The following PCDHGC5 variants were observed in gnomAD, a reference collection of about 807,000 sequenced individuals.
The protein encoded by PCDHGC5 is protocadherin gamma-C5.
In PCDHGC5, 25 loss-of-function variants were observed where a neutral mutation model predicts 59.0. That is an observed-to-expected ratio of 0.42 (90% confidence interval 0.31 to 0.59). The LOEUF is 0.59. PCDHGC5 is among the 20% of genes least tolerant of loss of function. The pLI, the probability that PCDHGC5 is intolerant of heterozygous loss-of-function variation, is 0.13. For missense variants in PCDHGC5, 1,067 were observed against 1,206.4 expected (o/e 0.88, Z 1.71); for synonymous variants, 434 against 505.5 (o/e 0.86, Z 1.90).
intron 3 of PCDHGC5, among the ~76,000 whole-genome samples, chr5:141,508,624 G>A (rs552418899): frequency 3.3e-5 from 5 of 152,256 alleles, no homozygotes; most frequent in African/African-American, 9.6e-5. Context: ...TGGGTGGGCC[G>A]AGCTTCTAGC....
chr5:141,494,234 A>G (rs1299510042), intron 1 of PCDHGC5, among the ~76,000 whole-genome samples: 1 of 152,138 alleles, frequency 6.6e-6, no homozygotes, highest in Non-Finnish European at 1.5e-5. Context: ...CTAAATTAAT[A>G]ATGTATTTAG....
At chr5:141,506,231 A>G (rs1453468632) in intron 3 of PCDHGC5, among the ~76,000 whole-genome samples, 4 of 152,082 alleles carry the variant, frequency 2.6e-5, no homozygotes, top group African/African-American at 4.8e-5. Context: ...CAGGAGGATC[A>G]TGAGGTCAGG....
At position 141,505,403 on chromosome 5, in the gene PCDHGC5, G is replaced by A; in HGVS notation, c.2530G>A (p.Gly844Ser). The A allele has an allele frequency of 6.2e-7, 1 of 1,614,186 alleles. No individual in the cohort carries two copies. The highest frequency in any genetic ancestry group is 8.5e-7 in the Non-Finnish European group (1 of 1,180,038). ...QRPGTSGSQN[G>S]DDTGTWPNNQ... ...CTACTCTCTCCCCAGCTCCCAAAAT[G>A]GCGATGACACCGGCACCTGGCCCAA... Residue 844 changes from glycine (G) to serine (S), a missense_variant, in exon 3 of 4, where the codon GGC (glycine) becomes AGC (serine). Coordinates refer to ENST00000252087, the MANE Select transcript of PCDHGC5 (RefSeq NM_018929.3).
intron 3 of PCDHGC5, among the ~76,000 whole-genome samples, chr5:141,508,506 C>G (rs2099869342): frequency 6.6e-6 from 1 of 152,180 alleles, no homozygotes; most frequent in Admixed American, 6.5e-5. Context: ...TCTCTCCCTC[C>G]TGGTCCAGCC....
chr5:141,491,659 G>A lies in PCDHGC5; in HGVS notation c.2419G>A (p.Ala807Thr). Residue 807 changes from alanine (A) to threonine (T), a missense_variant, in exon 1 of 4, where the codon GCC becomes ACC. Physicochemically the swap from Ala to Thr is moderately conservative, Grantham distance 58 (BLOSUM62 0). Transcript: ENST00000252087. This position sits in a 1 kb window ranked among gnomAD's most constrained non-coding sequence, Gnocchi z 6.9. ...QPTALALEPD[A>T]IRSRSNTLRE... is the part of the protein sequence containing the mutation. ...CACAGCTCTGGCGCTGGAGCCTGACGCCATCCGGTCCCGCTCTAATACGCT... is the reference window on the plus strand; with the variant it reads ...CACAGCTCTGGCGCTGGAGCCTGACACCATCCGGTCCCGCTCTAATACGCT... 6.2e-7 allele frequency: 1 copy of A among 1,613,766 alleles called. No homozygotes were observed. The highest frequency in any genetic ancestry group is 8.5e-7 in the Non-Finnish European group (1 of 1,180,004).
intron 2 of PCDHGC5, among the ~76,000 whole-genome samples, chr5:141,501,847 C>T (rs976699397): frequency 1.3e-5 from 2 of 152,140 alleles, no homozygotes; most frequent in Admixed American, 6.5e-5. Context: ...GGCCCTCAAC[C>T]TTCAACCATT....
intron 3 of PCDHGC5, among the ~76,000 whole-genome samples, chr5:141,506,381 G>A (rs750584158): frequency 2.0e-5 from 3 of 151,216 alleles, no homozygotes; most frequent in Non-Finnish European, 4.4e-5. Context: ...CCTGGGAGGT[G>A]GCTGTGGTGA....
At chr5:141,508,830 C>G (rs1320903059) in intron 3 of PCDHGC5, among the ~76,000 whole-genome samples, 2 of 152,150 alleles carry the variant, frequency 1.3e-5, no homozygotes, top group Non-Finnish European at 2.9e-5. Flanking sequence ...CTGGGCCCCC[C>G]TCCCCTACCC....
At chr5:141,502,932 C>T (rs1039438031) in intron 2 of PCDHGC5, among the ~76,000 whole-genome samples, 2 of 143,766 alleles carry the variant, frequency 1.4e-5, no homozygotes, top group African/African-American at 5.3e-5. Context: ...CAACCTTCAC[C>T]TCCTGGGTTC....
Position 141,490,457 on chromosome 5 carries a change from T to C in PCDHGC5, c.1217T>C (p.Leu406Pro). 1 of 1,614,214 alleles carries C rather than the reference T, an allele frequency of 6.2e-7. No homozygotes were observed. Among genetic ancestry groups the C allele is most frequent in the Non-Finnish European group, 8.5e-7 (1 of 1,180,042 alleles). ...AAGCCTTCTGAGAACCACTACTCGC[T>C]GCTAACCAGCCAGCCTTTGGACCGG... Reference protein sequence around the residue: ...QIKPSENHYSLLTSQPLDREA... With the variant: ...QIKPSENHYSPLTSQPLDREA... Residue 406 changes from leucine to proline, a missense_variant, in exon 1 of 4, where the codon CTG becomes CCG. Coordinates refer to ENST00000252087, the MANE Select transcript of PCDHGC5 (RefSeq NM_018929.3). The surrounding 1 kb of genome is among the most constrained non-coding windows in gnomAD (Gnocchi z 5.4).
At chr5:141,492,576 G>A (rs2099742137) in intron 1 of PCDHGC5, among the ~76,000 whole-genome samples, 1 of 152,234 alleles carries the variant, frequency 6.6e-6, no homozygotes, top group Admixed American at 6.5e-5. Context: ...AGCGAGGCGC[G>A]GGGCCAGGAG....
chr5:141,510,984 C>G lies in PCDHGC5; in HGVS notation c.2646C>G (p.Ala882=). ...ADGSSTLGGG[A]GTMGLSARYG... ...GGAGCTCCACCCTGGGAGGGGGTGC[C>G]GGCACCATGGGATTGAGCGCCCGCT... The change falls in exon 4 of 4, where the codon GCC becomes GCG. Residue 882 remains alanine (A), a synonymous_variant. Transcript: ENST00000252087. The G allele has an allele frequency of 1.2e-6, 2 of 1,614,162 alleles. No homozygotes were observed. The highest frequency in any genetic ancestry group is 1.7e-6 in the Non-Finnish European group (2 of 1,180,012).
intron 3 of PCDHGC5, among the ~76,000 whole-genome samples, chr5:141,509,398 G>A (rs1218925417): frequency 6.6e-6 from 1 of 152,106 alleles, no homozygotes; most frequent in Admixed American, 6.5e-5. Context: ...GGATCTCAGG[G>A]CCTCCAGCAG....
chr5:141,494,674 C>A lies in PCDHGC5; in HGVS notation c.2461-133C>A, dbSNP rs532644387. ...ATTTTGTCTTTGGAGATGAGTCCAC[C>A]CCTGCCCCCTCTTAGTCCGTTTTCT... is the stretch of plus-strand genomic sequence containing the variant. On this transcript the variant is annotated intron_variant, in intron 1 of 3. Transcript: ENST00000252087. 3.4e-5 allele frequency: 53 copies of A among 1,545,802 alleles called. No homozygotes were observed. In the African/African-American group the frequency reaches 6.5e-4, roughly 19 times the overall value.
At chr5:141,492,560 G>T (rs2099742000) in intron 1 of PCDHGC5, among the ~76,000 whole-genome samples, 1 of 152,156 alleles carries the variant, frequency 6.6e-6, no homozygotes, top group Non-Finnish European at 1.5e-5. Context: ...CCTGGGGGGC[G>T]GCCTGAGCGA....
chr5:141,494,901 G>C, intron 2 of PCDHGC5, 36 bp downstream of exon 2: 1 of 1,614,050 alleles, frequency 6.2e-7, no homozygotes, highest in Non-Finnish European at 8.5e-7. Context: ...CCTCTTCTCT[G>C]CGGCATTTTC....
In PCDHGC5 at chr5:141,491,721, C is replaced by T. The variant is rs761584159; in HGVS notation, c.2460+21C>T. On this transcript the variant is annotated intron_variant, in intron 1 of 3. Transcript: ENST00000252087. The surrounding 1 kb of genome is among the most constrained non-coding windows in gnomAD (Gnocchi z 6.9). The stretch of plus-strand genomic sequence containing the variant: ...GCCAGGTGAGGGGCTCGGCGCCGCC[C>T]CGGGCGACCCCTGGGGGCGGCACTG... 3 of 1,607,250 alleles carry T rather than the reference C, an allele frequency of 1.9e-6. No homozygotes were observed. Among genetic ancestry groups the T allele is most frequent in the Admixed American group, 1.7e-5 (1 of 58,860 alleles).
At position 141,494,820 on chromosome 5, in the gene PCDHGC5, A is replaced by G; in HGVS notation, c.2474A>G (p.Asn825Ser). ...TTTTCTCCACAGCAAGCCCCGCCCA[A>G]CACGGACTGGCGTTTCTCTCAGGCC... ...LRERSQQAPP[N>S]TDWRFSQAQR... Residue 825 changes from asparagine to serine, a missense_variant, in exon 2 of 4, where the codon AAC becomes AGC. By Grantham distance (46) the Asn-to-Ser change is conservative. Transcript: ENST00000252087. 1.2e-6 allele frequency: 2 copies of G among 1,613,988 alleles called. No individual in the cohort carries two copies. Among genetic ancestry groups the G allele is most frequent in the Middle Eastern group, 1.6e-4 (1 of 6,062 alleles).
At chr5:141,497,595 A>C (rs973413640) in intron 2 of PCDHGC5, among the ~76,000 whole-genome samples, 1 of 147,414 alleles carries the variant, frequency 6.8e-6, no homozygotes, top group East Asian at 2.0e-4. Context: ...GCTGGAGTGC[A>C]GTGGTGCGAT....
Sources: allele counts gnomAD v4.1 joint callset (sites outside exome capture counted in the v4.1 genomes callset), GRCh38; gene constraint gnomAD v4.1.1; non-coding constraint Gnocchi (gnomAD v3.1); transcripts MANE v1.5; gene names NCBI Gene and HGNC (gene_info 2026-07-23, HGNC 2026-07-21).